The following CDC42BPB variants were observed in gnomAD, a reference collection of about 807,000 sequenced individuals.
CDC42BPB encodes CDC42 binding protein kinase beta, also known as serine/threonine-protein kinase MRCK beta.
CDC42BPB carries 37 observed loss-of-function variants against 214.9 expected under a neutral mutation model. The ratio of observed to expected loss-of-function variants is 0.17; its 90% CI spans 0.13 to 0.23. The LOEUF (loss-of-function observed/expected upper bound fraction) is 0.23, where lower values mean the gene tolerates loss of function less well. Among genes scored for constraint, CDC42BPB ranks in the 10% least tolerant of loss-of-function variants. The pLI is 1.00. For missense variants in CDC42BPB, 1,694 were observed against 2,227.0 expected, an observed-to-expected ratio of 0.76 and a Z score of 4.82; for synonymous variants, 931 against 884.0, an observed-to-expected ratio of 1.05 and a Z score of -0.94.
At chr14:102,990,005 A>G (rs1054732677) in intron 5 of CDC42BPB, among the ~76,000 whole-genome samples, 2 of 152,244 alleles carry the variant, frequency 1.3e-5, no homozygotes, top group African/African-American at 4.8e-5. Flanking sequence ...CGATAGCAGA[A>G]GACAGCAGAC....
intron 12 of CDC42BPB, among the ~76,000 whole-genome samples, chr14:102,973,281 A>G (rs1419165708): frequency 6.6e-6 from 1 of 152,254 alleles, no homozygotes; most frequent in East Asian, 1.9e-4. Flanking sequence ...TTATCTTAAG[A>G]AACAATCTGG....
At position 102,968,705 on chromosome 14, in the gene CDC42BPB, T is replaced by A. The variant is rs372937497; in HGVS notation, c.2007A>T (p.Gly669=). Residue 669 remains glycine (G), a synonymous_variant, in exon 15 of 37, where the codon GGA becomes GGT. Transcript: ENST00000361246. ...CTAAGGTGGCACCCGCTCCCCGGCC[T>A]CCTTGCTTCACCTGAAGACAAAGGT... ...SELEALKVKQ[G]GRGAGATLEH... 8 of 1,613,806 alleles carry A rather than the reference T, an allele frequency of 5.0e-6. No homozygotes were observed. The African/African-American group carries it at 1.1e-4, about 22-fold the overall frequency.
At chr14:103,033,053 GAC>G (rs1395457198) in intron 1 of CDC42BPB, among the ~76,000 whole-genome samples, 3 of 151,746 alleles carry the variant, frequency 2.0e-5, no homozygotes, top group African/African-American at 7.3e-5. Context: ...ATCTTCTTGA[GAC>G]ACACACTGAA....
intron 30 of CDC42BPB, 186 bp from the exon 31 acceptor site, chr14:102,940,510 A>C: frequency 2.1e-6 from 3 of 1,417,524 alleles, no homozygotes; most frequent in Non-Finnish European, 2.8e-6. Context: ...AGTTTAAACA[A>C]ACACAATCCA....
intron 21 of CDC42BPB, among the ~76,000 whole-genome samples, chr14:102,959,163 G>C (rs992976515): frequency 1.3e-5 from 2 of 151,878 alleles, no homozygotes. Context: ...CGGGCGTGGT[G>C]GTGGGTGCCT....
chr14:102,933,148 T>C lies in CDC42BPB; in HGVS notation c.*564A>G, dbSNP rs1891473557. On this transcript the variant is annotated 3_prime_UTR_variant, in exon 37 of 37. Coordinates refer to ENST00000361246, the MANE Select transcript of CDC42BPB (RefSeq NM_006035.4). Reference sequence around the variant, plus strand: ...CGCAGGGTGTCACTGGTCCTGGGCCTTTGTCCATGACTAGGTGGTCAGCAG... The same window carrying C: ...CGCAGGGTGTCACTGGTCCTGGGCCCTTGTCCATGACTAGGTGGTCAGCAG... 6.6e-6 allele frequency: 1 copy of C among 152,516 alleles called. No homozygotes were observed. Among genetic ancestry groups the C allele is most frequent in the African/African-American group, 2.4e-5 (1 of 41,436 alleles). 9.4% of individuals were successfully genotyped at this position (152,516 alleles called of 1,614,324 possible).
intron 1 of CDC42BPB, 132 bp downstream of exon 1, chr14:103,056,867 C>T (rs1889007786): frequency 3.5e-6 from 2 of 569,300 alleles, no homozygotes; most frequent in Non-Finnish European, 5.5e-6. Flanking sequence ...CGAGAGGAGG[C>T]GAAGCCCACG....
chr14:102,953,909 T>C (rs962102021), intron 23 of CDC42BPB, among the ~76,000 whole-genome samples: 3 of 152,174 alleles, frequency 2.0e-5, no homozygotes, highest in Non-Finnish European at 4.4e-5. Flanking sequence ...GAGGGGAATA[T>C]GGCTTGGGGA....
intron 1 of CDC42BPB, among the ~76,000 whole-genome samples, chr14:103,035,636 T>C (rs12887150): frequency 0.7 from 106,241 of 151,826 alleles, 37,529 homozygotes; most frequent in South Asian, 0.82. Flanking sequence ...GTCAGGAGAT[T>C]GAGACCATCC....
intron 36 of CDC42BPB, among the ~76,000 whole-genome samples, chr14:102,935,020 A>G (rs1345287196): frequency 1.3e-5 from 2 of 151,730 alleles, no homozygotes; most frequent in East Asian, 3.8e-4. Context: ...TCTCAAAAAA[A>G]AAAAAAAAAG....
chr14:103,014,755 AG>A (rs1442451330), intron 1 of CDC42BPB, among the ~76,000 whole-genome samples: 1 of 152,186 alleles, frequency 6.6e-6, no homozygotes, highest in Admixed American at 6.5e-5. Flanking sequence ...ATCAGGAAAC[AG>A]AACAAATGAG....
chr14:102,983,622 G>A lies in CDC42BPB; in HGVS notation c.825C>T (p.Leu275=). Reference sequence around the variant, plus strand: ...CCGCATAAAACGGCGTTTCTCCATAGAGCATCTCATACATGCAGACACCCA... The same window carrying A: ...CCGCATAAAACGGCGTTTCTCCATAAAGCATCTCATACATGCAGACACCCA... ...WSLGVCMYEM[L]YGETPFYAES... The change falls in exon 7 of 37, where the codon CTC becomes CTT. Residue 275 remains leucine, a synonymous_variant. Coordinates refer to ENST00000361246, the MANE Select transcript of CDC42BPB (RefSeq NM_006035.4). 1 of 1,613,162 alleles carries A rather than the reference G, an allele frequency of 6.2e-7. No individual in the cohort carries two copies.
chr14:102,967,786 T>G (rs980788521), intron 16 of CDC42BPB, among the ~76,000 whole-genome samples: 2 of 152,224 alleles, frequency 1.3e-5, no homozygotes, highest in Non-Finnish European at 2.9e-5. Context: ...TATGGCACAT[T>G]ACTGCACTGT....
chr14:102,952,048 G>C (rs1892513870), intron 24 of CDC42BPB, among the ~76,000 whole-genome samples: 1 of 152,084 alleles, frequency 6.6e-6, no homozygotes, highest in Admixed American at 6.5e-5. Context: ...CTGAGGATTT[G>C]TAAAAATAAA....
At chr14:102,962,576 A>G (rs2139436250) in intron 20 of CDC42BPB, among the ~76,000 whole-genome samples, 1 of 152,342 alleles carries the variant, frequency 6.6e-6, no homozygotes, top group Non-Finnish European at 1.5e-5. Context: ...TAGGCTGGGC[A>G]CGGTGGCTCA....
chr14:102,995,376 T>C (rs1220481880), intron 5 of CDC42BPB, among the ~76,000 whole-genome samples: 2 of 152,230 alleles, frequency 1.3e-5, no homozygotes, highest in Admixed American at 6.5e-5. Flanking sequence ...GGTTTTACCA[T>C]GTTGGCCAGG....
chr14:102,962,302 A>G (rs184663939), intron 20 of CDC42BPB, among the ~76,000 whole-genome samples: 2 of 152,342 alleles, frequency 1.3e-5, no homozygotes, highest in East Asian at 3.9e-4. Context: ...TCCCACTTCT[A>G]GAACTCTATC....
At chr14:103,048,239 G>A (rs1431300849) in intron 1 of CDC42BPB, among the ~76,000 whole-genome samples, 1 of 152,032 alleles carries the variant, frequency 6.6e-6, no homozygotes, top group Non-Finnish European at 1.5e-5. Context: ...ACTGTACATT[G>A]AAAACCAAGC....
At chr14:102,945,780 G>A in intron 28 of CDC42BPB, 56 bp from the exon 29 acceptor site, 1 of 1,481,520 alleles carries the variant, frequency 6.7e-7, no homozygotes, top group Non-Finnish European at 9.4e-7. Context: ...TGAACAATAT[G>A]GGTTTGAATG....
Sources: allele counts gnomAD v4.1 joint callset (sites outside exome capture counted in the v4.1 genomes callset), GRCh38; gene constraint gnomAD v4.1.1; transcripts MANE v1.5; gene names NCBI Gene and HGNC (gene_info 2026-07-23, HGNC 2026-07-21).